Variants in TBC1D31 observed in about 807,000 individuals in gnomAD.
TBC1D31 encodes the protein WD repeat domain 67.
Under a neutral mutation model 132.9 loss-of-function variants are expected in TBC1D31, and 99 were observed. That is an observed-to-expected ratio of 0.74 (90% CI 0.63 to 0.88). The LOEUF (loss-of-function observed/expected upper bound fraction) is 0.88, where lower values mean the gene tolerates loss of function less well. Ranked by LOEUF, TBC1D31 falls within the 40% of genes least tolerant of loss-of-function variation. TBC1D31 has a pLI of 0.00. For missense variants in TBC1D31, 1,134 were observed against 1,256.6 expected, an observed-to-expected ratio of 0.90 and a Z score of 1.48; for synonymous variants, 385 against 419.4, an observed-to-expected ratio of 0.92 and a Z score of 1.00.
chr8:123,144,688 A>C, intron 19 of TBC1D31, 29 bp from the exon 20 acceptor site: 3 of 1,590,118 alleles, frequency 1.9e-6, no homozygotes, highest in Non-Finnish European at 2.6e-6. Flanking sequence ...CTTTTTATGT[A>C]ATCTTTTTTT....
At chr8:123,112,973 G>A (rs1051823117) in intron 10 of TBC1D31, among the ~76,000 whole-genome samples, 3 of 152,112 alleles carry the variant, frequency 2.0e-5, no homozygotes, top group South Asian at 2.1e-4. Flanking sequence ...TCATATTCTA[G>A]GTTGAGAGCC....
chr8:123,115,228 A>C (rs976279028), intron 10 of TBC1D31, among the ~76,000 whole-genome samples: 17 of 152,324 alleles, frequency 1.1e-4, no homozygotes, highest in African/African-American at 3.8e-4. Flanking sequence ...ATTTGTTGTC[A>C]GTCTGAGAGT....
intron 4 of TBC1D31, among the ~76,000 whole-genome samples, chr8:123,091,551 AGAAG>A (rs1404582209): frequency 7.2e-5 from 11 of 152,310 alleles, no homozygotes; most frequent in Non-Finnish European, 1.5e-4. Flanking sequence ...GAGCCAAGGA[AGAAG>A]GGAGGAGCTT....
Position 123,072,840 on chromosome 8 carries a change from G to T in TBC1D31, c.71G>T (p.Arg24Leu), listed in dbSNP as rs1305607992. ...IWHRKPSPAT[R>L]DGIIVNIIHN... The stretch of plus-strand genomic sequence containing the variant: ...CACCGCAAGCCGTCCCCGGCCACGC[G>T]GGACGGGTAAAGGCCGTGGCGGGAG... The change falls in exon 1 of 22, where the codon CGG becomes CTG. Residue 24 changes from arginine (R) to leucine (L), a missense_variant. Physicochemically the swap from Arg to Leu is moderately radical, Grantham distance 102. Coordinates refer to ENST00000287380, the MANE Select transcript of TBC1D31 (RefSeq NM_145647.4). 6.4e-7 allele frequency: 1 copy of T among 1,566,466 alleles called. No homozygotes were observed. Among genetic ancestry groups the T allele is most frequent in the Non-Finnish European group, 8.7e-7 (1 of 1,155,824 alleles).
chr8:123,093,141 G>T (rs2130158593), intron 4 of TBC1D31, among the ~76,000 whole-genome samples: 1 of 151,942 alleles, frequency 6.6e-6, no homozygotes, highest in South Asian at 2.1e-4. Flanking sequence ...TAGAGATAGG[G>T]TTTCACCATG....
chr8:123,157,721 A>G, the TBC1D31 span, among the ~76,000 whole-genome samples: 30 of 148,930 alleles, frequency 2.0e-4, no homozygotes, highest in Admixed American at 8.7e-4. Context: ...GCGCGCGCGC[A>G]CACACACACA....
At chr8:123,102,449 T>C (rs1360158713) in intron 7 of TBC1D31, 2 of 348,314 alleles carry the variant, frequency 5.7e-6, no homozygotes, top group Non-Finnish European at 1.1e-5. Context: ...CAGAAAAAAA[T>C]AAGAATGTAC....
At chr8:123,106,631 G>A (rs989248071) in intron 8 of TBC1D31, among the ~76,000 whole-genome samples, 1 of 152,178 alleles carries the variant, frequency 6.6e-6, no homozygotes, top group Non-Finnish European at 1.5e-5. Flanking sequence ...GGGGACTATT[G>A]TAACTTCTTT....
In TBC1D31 at chr8:123,091,564, T is replaced by C. The variant is rs147287436; in HGVS notation, c.520-2027T>C. On this transcript the variant is annotated intron_variant, in intron 4 of 21. Coordinates refer to ENST00000287380, the MANE Select transcript of TBC1D31 (RefSeq NM_145647.4). ...GTGAGCCAAGGAAGAAGGGAGGAGCTTGATCAGGCCCTTGCCTGATCTGTC... is the reference window on the plus strand; with the variant it reads ...GTGAGCCAAGGAAGAAGGGAGGAGCCTGATCAGGCCCTTGCCTGATCTGTC... Among the ~76,000 whole-genome samples the C allele has an allele frequency of 2.3e-3, 346 of 152,318 alleles. 1 individual carries two copies. Among genetic ancestry groups the C allele is most frequent in the African/African-American group, 7.6e-3 (318 of 41,570 alleles).
chr8:123,091,622 T>G (rs1816333416), intron 4 of TBC1D31, among the ~76,000 whole-genome samples: 1 of 152,232 alleles, frequency 6.6e-6, no homozygotes, highest in South Asian at 2.1e-4. Context: ...GTATTTTTTA[T>G]TGTCTTATTG....
In TBC1D31 at chr8:123,144,817, A is replaced by G. The variant is rs776147183; in HGVS notation, c.2936A>G (p.Asn979Ser). 4 of 1,613,792 alleles carry G rather than the reference A, an allele frequency of 2.5e-6. No individual in the cohort carries two copies. The Admixed American group carries it at 6.7e-5, about 27-fold the overall frequency. The change falls in exon 20 of 22, where the codon AAT (asparagine) becomes AGT (serine). Residue 979 changes from asparagine (N) to serine (S), a missense_variant. Transcript: ENST00000287380. The stretch of plus-strand genomic sequence containing the variant: ...AAGTGGTTTTTAAAGCAAGAGATAA[A>G]TGCGGCTGTAGAACATGCTGAAAAT... ...SRKWFLKQEI[N>S]AAVEHAENPC...
chr8:123,120,644 C>A (rs752714498), intron 11 of TBC1D31, among the ~76,000 whole-genome samples: 1 of 151,802 alleles, frequency 6.6e-6, no homozygotes, highest in Non-Finnish European at 1.5e-5. Flanking sequence ...AGCACTCCAG[C>A]CTGGGCAAGA....
In TBC1D31 at chr8:123,117,835, G is replaced by A. The variant is rs1173550189; in HGVS notation, c.1437-2220G>A. ...GTCCTAGCTACTTGTGGCTGAAATG[G>A]AAGAATTCCTTGAGTGTGGAGATTC... On this transcript the variant is annotated intron_variant, in intron 10 of 21. Coordinates refer to ENST00000287380, the MANE Select transcript of TBC1D31 (RefSeq NM_145647.4). Among the ~76,000 whole-genome samples the A allele has an allele frequency of 2.6e-5, 4 of 151,762 alleles. No homozygotes were observed. The East Asian group carries it at 5.8e-4, about 22-fold the overall frequency.
At chr8:123,076,288 A>T (rs1266732071) in intron 1 of TBC1D31, among the ~76,000 whole-genome samples, 1 of 150,938 alleles carries the variant, frequency 6.6e-6, no homozygotes. Context: ...TTTTCTGGAG[A>T]CGTGTTTGGT....
At chr8:123,089,921 A>G (rs1202906875) in intron 4 of TBC1D31, among the ~76,000 whole-genome samples, 1 of 152,238 alleles carries the variant, frequency 6.6e-6, no homozygotes, top group Non-Finnish European at 1.5e-5. Flanking sequence ...GTTCTACATA[A>G]TGTTATAGAA....
At chr8:123,084,438 C>A in intron 4 of TBC1D31, 98 bp downstream of exon 4, 2 of 1,191,274 alleles carry the variant, frequency 1.7e-6, no homozygotes, top group South Asian at 1.5e-5. Flanking sequence ...TTCACTTTGT[C>A]CTTGTAGCTC....
intron 13 of TBC1D31, among the ~76,000 whole-genome samples, chr8:123,126,988 C>G (rs927613269): frequency 1.4e-4 from 21 of 152,132 alleles, no homozygotes; most frequent in African/African-American, 4.6e-4. Flanking sequence ...ATCCACCCAC[C>G]TCGGCCTCCC....
chr8:123,092,965 C>T (rs1431158168), intron 4 of TBC1D31, among the ~76,000 whole-genome samples: 1 of 152,014 alleles, frequency 6.6e-6, no homozygotes, highest in African/African-American at 2.4e-5. Flanking sequence ...ATGCCTGCCA[C>T]CATGCCTGAG....
At chr8:123,157,609 C>T in the TBC1D31 span, among the ~76,000 whole-genome samples, 1 of 152,186 alleles carries the variant, frequency 6.6e-6, no homozygotes, top group African/African-American at 2.4e-5. Flanking sequence ...ATCAGGCACC[C>T]ACTGTGTTCC....
Sources: gnomAD v4.1 joint callset for allele counts (sites outside exome capture counted in the v4.1 genomes callset) on GRCh38, gnomAD v4.1.1 for gene constraint, MANE v1.5 for transcripts, NCBI Gene and HGNC (gene_info 2026-07-23, HGNC 2026-07-21) for gene names.